Variants in PTPRN2 observed in about 807,000 individuals in gnomAD.
PTPRN2 encodes protein tyrosine phosphatase receptor type N2.
PTPRN2 carries 74 observed loss-of-function variants against 118.8 expected under a neutral mutation model. The observed-to-expected ratio is 0.62, with a 90% CI of 0.52 to 0.76. The LOEUF (loss-of-function observed/expected upper bound fraction) is 0.76. Among genes scored for constraint, PTPRN2 ranks in the 30% least tolerant of loss-of-function variants. PTPRN2 has a pLI of 0.00. For missense variants in PTPRN2, 1,481 were observed against 1,394.4 expected (o/e 1.06, Z -0.99); for synonymous variants, 641 against 608.0 (o/e 1.05, Z -0.80).
intron 11 of PTPRN2, among the ~76,000 whole-genome samples, chr7:157,983,401 T>A: frequency 6.9e-6 from 1 of 144,190 alleles, no homozygotes; most frequent in Non-Finnish European, 1.5e-5. Context: ...AGTACTGGGT[T>A]CCCCCCTAAA....
chr7:157,792,274 C>T (rs1192095775), intron 12 of PTPRN2, among the ~76,000 whole-genome samples: 1 of 152,280 alleles, frequency 6.6e-6, no homozygotes, highest in Non-Finnish European at 1.5e-5. Context: ...CAGGCGCCCG[C>T]AGCGGGGCAT....
At chr7:158,188,215 T>TCGCCCCGC (rs1825368267) in intron 5 of PTPRN2, among the ~76,000 whole-genome samples, 2 of 23,940 alleles carry the variant, frequency 8.4e-5, no homozygotes, top group Non-Finnish European at 1.3e-4. Flanking sequence ...GCTCGCCGCC[T>TCGCCCCGC]GATGGGGAAG....
At chr7:157,646,770 G>A (rs1805107227) in intron 14 of PTPRN2, among the ~76,000 whole-genome samples, 1 of 152,244 alleles carries the variant, frequency 6.6e-6, no homozygotes, top group Non-Finnish European at 1.5e-5. Context: ...GCAAGTTAGG[G>A]TGTGAGGACG....
rs1404612789 is a variant in PTPRN2, at chr7:157,780,223, C to A, written c.1789-97286G>T. ...TCCTGGTCTACCTCCAGCACAAGGACGTTCCTCAGAGCAAGGCATTTGCTC... is the reference window on the plus strand; with the variant it reads ...TCCTGGTCTACCTCCAGCACAAGGAAGTTCCTCAGAGCAAGGCATTTGCTC... On this transcript the variant is annotated intron_variant, in intron 12 of 22. Transcript: ENST00000389418. This position sits in a 1 kb window ranked among gnomAD's most constrained non-coding sequence, Gnocchi z 4.5. Among the ~76,000 whole-genome samples the A allele has an allele frequency of 1.3e-5, 2 of 152,186 alleles. No individual in the cohort carries two copies. The highest frequency in any genetic ancestry group is 2.9e-5 in the Non-Finnish European group (2 of 68,036).
chr7:157,783,428 G>GC (rs1280105337), intron 12 of PTPRN2, among the ~76,000 whole-genome samples: 2 of 150,952 alleles, frequency 1.3e-5, no homozygotes, highest in African/African-American at 4.9e-5. Context: ...TTCATCGAAC[G>GC]CATGTCTGAG....
intron 12 of PTPRN2, among the ~76,000 whole-genome samples, chr7:157,723,250 G>A (rs1799344177): frequency 1.3e-5 from 2 of 152,174 alleles, no homozygotes; most frequent in African/African-American, 4.8e-5. Flanking sequence ...CCTGGCCTCT[G>A]CCCCCACACT....
intron 2 of PTPRN2, among the ~76,000 whole-genome samples, chr7:158,425,352 G>A (rs552540574): frequency 7.0e-3 from 802 of 114,518 alleles, no homozygotes; most frequent in African/African-American, 0.032. Flanking sequence ...GCGCACCGCC[G>A]GGAAAGACGC....
At chr7:157,555,681 C>T (rs1049105964) in intron 21 of PTPRN2, among the ~76,000 whole-genome samples, 2 of 151,454 alleles carry the variant, frequency 1.3e-5, no homozygotes, top group Non-Finnish European at 2.9e-5. Flanking sequence ...TGCAGGGATG[C>T]AATGTATTCT....
chr7:157,625,055 G>C (rs941882178), intron 14 of PTPRN2, among the ~76,000 whole-genome samples: 3 of 152,148 alleles, frequency 2.0e-5, no homozygotes, highest in Non-Finnish European at 4.4e-5. Flanking sequence ...TGCAAGAATG[G>C]CCATAACCAA....
At chr7:158,379,996 CAGG>C (rs1810844579) in intron 2 of PTPRN2, among the ~76,000 whole-genome samples, 1 of 152,136 alleles carries the variant, frequency 6.6e-6, no homozygotes, top group Non-Finnish European at 1.5e-5. Context: ...TAGTCACTAT[CAGG>C]AGAACAGCAA....
At chr7:157,699,858 C>T (rs925616854) in intron 12 of PTPRN2, among the ~76,000 whole-genome samples, 4 of 152,204 alleles carry the variant, frequency 2.6e-5, no homozygotes, top group South Asian at 4.1e-4. Flanking sequence ...ATGGAGCCGC[C>T]GCATGTCCTC....
chr7:157,906,753 AC>A (rs1189586895), intron 11 of PTPRN2, among the ~76,000 whole-genome samples: 1 of 152,156 alleles, frequency 6.6e-6, no homozygotes, highest in East Asian at 1.9e-4. Context: ...TCCCAGGACC[AC>A]GGGCGGTGTG....
chr7:158,345,078 C>T (rs909853077), intron 2 of PTPRN2, among the ~76,000 whole-genome samples: 1 of 152,222 alleles, frequency 6.6e-6, no homozygotes, highest in Non-Finnish European at 1.5e-5. Flanking sequence ...GGCCCCAGTG[C>T]TCCATCTCTG....
intron 2 of PTPRN2, among the ~76,000 whole-genome samples, chr7:158,370,989 G>C (rs916904515): frequency 6.6e-6 from 1 of 152,114 alleles, no homozygotes; most frequent in African/African-American, 2.4e-5. Context: ...AGTTTTGGTA[G>C]AGCAGCCCAT....
chr7:158,255,918 C>T (rs908644991), intron 3 of PTPRN2, among the ~76,000 whole-genome samples: 4 of 152,200 alleles, frequency 2.6e-5, no homozygotes, highest in Non-Finnish European at 5.9e-5. Context: ...CCTTCTAAAC[C>T]AGACGATGCT....
rs570243543 is a variant in PTPRN2, at chr7:158,256,656, C to T, written c.278-51383G>A. Reference sequence around the variant, plus strand: ...AGAGGGCAGGACTCAAGCAGCTGGGCGCCCAGCAGAAGCTCCATGTTGGAC... The same window carrying T: ...AGAGGGCAGGACTCAAGCAGCTGGGTGCCCAGCAGAAGCTCCATGTTGGAC... On this transcript the variant is annotated intron_variant, in intron 3 of 22. Coordinates refer to ENST00000389418, the MANE Select transcript of PTPRN2 (RefSeq NM_002847.5). Among the ~76,000 whole-genome samples the T allele has an allele frequency of 1.1e-3, 160 of 152,040 alleles. 1 individual carries two copies. Among genetic ancestry groups the T allele is most frequent in the African/African-American group, 3.7e-3 (154 of 41,460 alleles).
chr7:158,404,963 G>A (rs1444859684), intron 2 of PTPRN2, among the ~76,000 whole-genome samples: 1 of 127,754 alleles, frequency 7.8e-6, no homozygotes, highest in Non-Finnish European at 1.6e-5. Context: ...CCAGCTCCCT[G>A]GCCTCCAGCT....
In PTPRN2 at chr7:157,621,483, G is replaced by C. The variant is rs919465445; in HGVS notation, c.2223C>G (p.Asn741Lys). The C allele has an allele frequency of 2.4e-5, 39 of 1,613,722 alleles. No homozygotes were observed. Among genetic ancestry groups the C allele is most frequent in the Non-Finnish European group, 3.1e-5 (36 of 1,180,046 alleles). ...ILSYMEDHLK[N>K]KNRLEKEWEA... ...CCCACTCCTTCTCCAGCCGGTTCTT[G>C]TTCTTCAGGTGGTCCTCCATGTAGG... The change falls in exon 15 of 23, where the codon AAC (asparagine) becomes AAG (lysine). Residue 741 changes from asparagine (N) to lysine (K), a missense_variant. Coordinates refer to ENST00000389418, the MANE Select transcript of PTPRN2 (RefSeq NM_002847.5).
Position 157,568,930 on chromosome 7 carries a change from G to T in PTPRN2, c.2874C>A (p.Ile958=). ...GAGRSGTYVL[I]DMVLNKMAKG... ...TGGCCATCTTGTTGAGAACCATGTC[G>T]ATCAGGACGTAGGTGCCGCTCCGGC... The change falls in exon 21 of 23, where the codon ATC becomes ATA. Residue 958 remains isoleucine (I), a synonymous_variant. Transcript: ENST00000389418. The T allele has an allele frequency of 6.3e-7, 1 of 1,577,768 alleles. No individual in the cohort carries two copies. Among genetic ancestry groups the T allele is most frequent in the Non-Finnish European group, 8.7e-7 (1 of 1,147,154 alleles).
Sources: gnomAD v4.1 joint callset for allele counts (sites outside exome capture counted in the v4.1 genomes callset) on GRCh38, gnomAD v4.1.1 for gene constraint, Gnocchi (gnomAD v3.1) non-coding constraint, MANE v1.5 for transcripts, NCBI Gene and HGNC (gene_info 2026-07-23, HGNC 2026-07-21) for gene names.